Variants in ZBBX observed in about 807,000 individuals in gnomAD.
The protein encoded by ZBBX is zinc finger B-box domain-containing protein 1.
In ZBBX, 101 loss-of-function variants were observed where a neutral mutation model predicts 108.5. The observed-to-expected ratio is 0.93, with a 90% CI of 0.79 to 1.10. The LOEUF (loss-of-function observed/expected upper bound fraction) is 1.10. Among genes scored for constraint, ZBBX ranks in the 50% least tolerant of loss-of-function variants. The pLI, the probability that ZBBX is intolerant of heterozygous loss-of-function variation, is 0.00. For missense variants in ZBBX, 1,009 were observed against 941.4 expected (o/e 1.07, Z -0.94); for synonymous variants, 356 against 323.4 (o/e 1.10, Z -1.08).
At chr3:167,202,279 G>A in the ZBBX span, among the ~76,000 whole-genome samples, 1,584 of 152,150 alleles carry the variant, frequency 0.01, 31 homozygotes, top group African/African-American at 0.036. Flanking sequence ...AATGTACAAG[G>A]GCAGAGTACT....
Position 167,280,230 on chromosome 3 carries a change from C to A in ZBBX, c.2254+2008G>T, listed in dbSNP as rs562595465. On this transcript the variant is annotated intron_variant, in intron 20 of 21. Coordinates refer to ENST00000675490, the MANE Select transcript of ZBBX (RefSeq NM_001199201.2). ...AAAACACCAAAAGCAATGGCAACAA[C>A]AGCCAAAATTGACAAACGGGATCTA... Among the ~76,000 whole-genome samples, 49 of 151,540 alleles carry A rather than the reference C, an allele frequency of 3.2e-4. 1 individual carries two copies. In the South Asian group the frequency reaches 9.0e-3, roughly 28 times the overall value.
chr3:167,250,125 G>C (rs777717224), intron 20 of ZBBX, among the ~76,000 whole-genome samples: 1 of 152,148 alleles, frequency 6.6e-6, no homozygotes, highest in African/African-American at 2.4e-5. Context: ...GGTAGCTCCT[G>C]ACATCAGGAG....
chr3:167,372,767 G>A, intron 4 of ZBBX, 67 bp downstream of exon 4: 1 of 768,888 alleles, frequency 1.3e-6, no homozygotes, highest in South Asian at 2.1e-5. Context: ...TCACAAAATA[G>A]TCAAAATTAC....
Position 167,305,644 on chromosome 3 carries a change from A to C in ZBBX, c.1724T>G (p.Leu575Arg). Residue 575 changes from leucine (L) to arginine (R), a missense_variant and splice_region_variant, in exon 17 of 22, where the codon CTG becomes CGG. Physicochemically the swap from Leu to Arg is moderately radical, Grantham distance 102. Transcript: ENST00000675490. ...ATAATAAACATAATAGAGATTTACC[A>C]GTGATGACTTTGTAGTTTTTGATTC... ...FEESKTTKSSLLLQEIACRSK... is the reference protein window; with the variant it reads ...FEESKTTKSSRLLQEIACRSK... 1 of 1,540,564 alleles carries C rather than the reference A, an allele frequency of 6.5e-7. No homozygotes were observed. Among genetic ancestry groups the C allele is most frequent in the Admixed American group, 2.2e-5 (1 of 46,372 alleles).
chr3:167,222,969 T>C, the ZBBX span, among the ~76,000 whole-genome samples: 1 of 151,932 alleles, frequency 6.6e-6, no homozygotes, highest in East Asian at 1.9e-4. Flanking sequence ...AAATGATAAA[T>C]AGTTGAGGTG....
the ZBBX span, among the ~76,000 whole-genome samples, chr3:167,225,096 G>C: frequency 6.6e-6 from 1 of 151,780 alleles, no homozygotes; most frequent in Admixed American, 6.6e-5. Flanking sequence ...AAGGACAAAG[G>C]CAGTAAATTC....
intron 9 of ZBBX, 60 bp from the exon 10 acceptor site, chr3:167,334,045 T>C: frequency 9.0e-7 from 1 of 1,115,434 alleles, no homozygotes; most frequent in Non-Finnish European, 1.2e-6. Flanking sequence ...ATAATTTATA[T>C]ACATTAACTC....
intron 9 of ZBBX, 82 bp downstream of exon 9, chr3:167,350,338 G>A: frequency 9.5e-7 from 1 of 1,058,080 alleles, no homozygotes. Context: ...CTGAGTTCTA[G>A]ATAACTAAAG....
chr3:167,348,365 AAAG>A (rs1474277932), intron 9 of ZBBX, among the ~76,000 whole-genome samples: 51 of 147,268 alleles, frequency 3.5e-4, no homozygotes, highest in Non-Finnish European at 4.8e-4. Context: ...AGAAAGAAAG[AAAG>A]AAAAAAAAGA....
At chr3:167,342,610 A>G (rs1740729167) in intron 9 of ZBBX, among the ~76,000 whole-genome samples, 1 of 151,784 alleles carries the variant, frequency 6.6e-6, no homozygotes, top group Non-Finnish European at 1.5e-5. Context: ...GCTAACTTTA[A>G]CTTTCTACCC....
chr3:167,320,087 A>G (rs1434510264), intron 12 of ZBBX, among the ~76,000 whole-genome samples: 1 of 151,874 alleles, frequency 6.6e-6, no homozygotes, highest in African/African-American at 2.4e-5. Context: ...TGGCACCAGA[A>G]TAGTAATGAT....
intron 20 of ZBBX, among the ~76,000 whole-genome samples, chr3:167,247,334 G>A (rs1356832849): frequency 6.6e-6 from 1 of 152,182 alleles, no homozygotes; most frequent in Non-Finnish European, 1.5e-5. Context: ...GATGGAGTTT[G>A]GCTAGGGCAG....
Position 167,262,466 on chromosome 3 carries a change from G to T in ZBBX, c.2254+19772C>A, listed in dbSNP as rs145691841. 3.2e-4 allele frequency among the ~76,000 whole-genome samples: 48 copies of T among 152,264 alleles called. No individual in the cohort carries two copies. In the East Asian group the frequency reaches 9.3e-3, roughly 29 times the overall value. On this transcript the variant is annotated intron_variant, in intron 20 of 21. Coordinates refer to ENST00000675490, the MANE Select transcript of ZBBX (RefSeq NM_001199201.2). ...TAAGTTCTTCTTTAAATGTTTAGTA[G>T]AATTCATCAGTGAAACCATCAGGTT... is the stretch of plus-strand genomic sequence containing the variant.
chr3:167,311,220 A>C (rs961986870), intron 16 of ZBBX, among the ~76,000 whole-genome samples: 2 of 152,182 alleles, frequency 1.3e-5, no homozygotes, highest in African/African-American at 4.8e-5. Flanking sequence ...ATAATCTGTT[A>C]AGCAAATGAT....
intron 20 of ZBBX, among the ~76,000 whole-genome samples, chr3:167,278,499 C>G (rs199668775): frequency 0.76 from 69,582 of 91,668 alleles, 27,127 homozygotes; most frequent in African/African-American, 0.89. Context: ...AGAAAATCTA[C>G]AAGAAATGGA....
At chr3:167,226,503 G>A in the ZBBX span, among the ~76,000 whole-genome samples, 2 of 151,666 alleles carry the variant, frequency 1.3e-5, no homozygotes, top group African/African-American at 4.8e-5. Context: ...TGTTACCACT[G>A]TGAAGAATAT....
intron 17 of ZBBX, among the ~76,000 whole-genome samples, chr3:167,303,281 T>G (rs1376628131): frequency 6.6e-6 from 1 of 152,196 alleles, no homozygotes; most frequent in Non-Finnish European, 1.5e-5. Context: ...ACTAAAACAC[T>G]AAGTCAACAA....
the ZBBX span, among the ~76,000 whole-genome samples, chr3:167,207,921 G>A: frequency 6.6e-6 from 1 of 152,174 alleles, no homozygotes; most frequent in Non-Finnish European, 1.5e-5. Flanking sequence ...GAAGTGGGTA[G>A]GAAAGACACT....
At chr3:167,295,209 T>G (rs1303718287) in intron 18 of ZBBX, among the ~76,000 whole-genome samples, 1 of 152,180 alleles carries the variant, frequency 6.6e-6, no homozygotes, top group African/African-American at 2.4e-5. Context: ...CCTAAAGGAT[T>G]ATAAATCATT....
Sources: allele counts gnomAD v4.1 joint callset (sites outside exome capture counted in the v4.1 genomes callset), GRCh38; gene constraint gnomAD v4.1.1; transcripts MANE v1.5; gene names NCBI Gene and HGNC (gene_info 2026-07-23, HGNC 2026-07-21).